GRIA4: variants seen among roughly 807,000 people sequenced by gnomAD.
The protein encoded by GRIA4 is glutamate ionotropic receptor AMPA type subunit 4.
Under a neutral mutation model 104.0 loss-of-function variants are expected in GRIA4, and 34 were observed. The observed-to-expected ratio is 0.33, with a 90% CI of 0.25 to 0.44. The LOEUF is 0.44. Among genes scored for constraint, GRIA4 ranks in the 20% least tolerant of loss-of-function variants. The pLI is 1.00. For synonymous variants in GRIA4, 386 were observed against 381.9 expected (o/e 1.01, Z -0.13); for missense variants, 750 against 1,096.5 (o/e 0.68, Z 4.46).
chr11:105,907,783 C>T (rs952323321), intron 9 of GRIA4, among the ~76,000 whole-genome samples: 2 of 152,124 alleles, frequency 1.3e-5, no homozygotes, highest in African/African-American at 2.4e-5. Context: ...CTCATGACAA[C>T]CTAAAAATAA....
At chr11:105,907,947 C>G (rs1379327389) in intron 9 of GRIA4, among the ~76,000 whole-genome samples, 1 of 152,106 alleles carries the variant, frequency 6.6e-6, no homozygotes, top group Non-Finnish European at 1.5e-5. Flanking sequence ...GAGCATCACT[C>G]AAGATCTTGA....
At chr11:105,813,521 G>C (rs988817367) in intron 4 of GRIA4, among the ~76,000 whole-genome samples, 1 of 152,088 alleles carries the variant, frequency 6.6e-6, no homozygotes, top group African/African-American at 2.4e-5. Flanking sequence ...CATGGTGTTG[G>C]GACACTATTG....
intron 3 of GRIA4, among the ~76,000 whole-genome samples, chr11:105,709,715 A>C (rs1953842732): frequency 6.6e-6 from 1 of 152,096 alleles, no homozygotes; most frequent in African/African-American, 2.4e-5. Flanking sequence ...GGCAGACAGG[A>C]AGAGAGGGAA....
At chr11:105,831,289 G>C (rs762751549) in intron 4 of GRIA4, among the ~76,000 whole-genome samples, 34 of 151,976 alleles carry the variant, frequency 2.2e-4, no homozygotes, top group Non-Finnish European at 4.7e-4. Context: ...AAGAAGGAGT[G>C]TTTCAAAGGA....
chr11:105,949,895 G>A (rs1948418656), intron 14 of GRIA4, among the ~76,000 whole-genome samples: 1 of 152,140 alleles, frequency 6.6e-6, no homozygotes. Context: ...GACAAACCCA[G>A]CTTCCTATTT....
chr11:105,751,826 A>G (rs1940016455), intron 3 of GRIA4, among the ~76,000 whole-genome samples: 1 of 152,340 alleles, frequency 6.6e-6, no homozygotes, highest in South Asian at 2.1e-4. Flanking sequence ...GCACTTTTAC[A>G]TAATTTCATT....
At chr11:105,676,014 T>C (rs578009506) in intron 3 of GRIA4, among the ~76,000 whole-genome samples, 9 of 151,930 alleles carry the variant, frequency 5.9e-5, no homozygotes, top group Middle Eastern at 3.4e-3. Context: ...TTTATAAACA[T>C]ATTAATTTAT....
intron 14 of GRIA4, among the ~76,000 whole-genome samples, chr11:105,969,818 C>A (rs1858591411): frequency 6.6e-6 from 1 of 152,176 alleles, no homozygotes; most frequent in Admixed American, 6.5e-5. Context: ...CTTGCTCTGT[C>A]ATTTTTCAAA....
chr11:105,964,808 TG>T (rs113476571), intron 14 of GRIA4, among the ~76,000 whole-genome samples: 6 of 140,270 alleles, frequency 4.3e-5, no homozygotes, highest in African/African-American at 1.6e-4. Flanking sequence ...TTTTTTTGTT[TG>T]TTTGTTTTTG....
intron 3 of GRIA4, among the ~76,000 whole-genome samples, chr11:105,674,302 C>G (rs562187168): frequency 5.2e-4 from 79 of 151,810 alleles, no homozygotes; most frequent in Middle Eastern, 3.4e-3. Flanking sequence ...GATTAAATAA[C>G]AATTTTGCTA....
intron 4 of GRIA4, among the ~76,000 whole-genome samples, chr11:105,808,750 A>G (rs539165335): frequency 1.7e-4 from 26 of 152,104 alleles, no homozygotes; most frequent in Non-Finnish European, 3.7e-4. Flanking sequence ...TCAATCTATA[A>G]ATCCCCTGAA....
At chr11:105,621,196 C>G (rs1224175666) in intron 3 of GRIA4, among the ~76,000 whole-genome samples, 1 of 151,678 alleles carries the variant, frequency 6.6e-6, no homozygotes, top group Non-Finnish European at 1.5e-5. Flanking sequence ...TATGTTTATT[C>G]CAAAATGAGC....
intron 3 of GRIA4, among the ~76,000 whole-genome samples, chr11:105,711,822 A>G (rs1308860946): frequency 6.6e-6 from 1 of 152,130 alleles, no homozygotes; most frequent in Admixed American, 6.6e-5. Flanking sequence ...TTGAGGCTCA[A>G]TTCCATTCTG....
At chr11:105,848,533 T>C (rs1297809182) in intron 4 of GRIA4, among the ~76,000 whole-genome samples, 1 of 152,116 alleles carries the variant, frequency 6.6e-6, no homozygotes, top group East Asian at 1.9e-4. Flanking sequence ...TACATTAAAG[T>C]GGGAAAATAA....
chr11:105,951,583 T>G (rs978144629), intron 14 of GRIA4, among the ~76,000 whole-genome samples: 9 of 152,140 alleles, frequency 5.9e-5, no homozygotes, highest in African/African-American at 1.7e-4. Flanking sequence ...ATAAAATGTG[T>G]GGTATGAAAT....
intron 3 of GRIA4, among the ~76,000 whole-genome samples, chr11:105,696,266 G>C (rs1299795009): frequency 6.6e-6 from 1 of 152,124 alleles, no homozygotes. Context: ...GCCCAGGTGT[G>C]CCCTTAAAGT....
At position 105,927,010 on chromosome 11, in the gene GRIA4, T is replaced by C. The variant is rs932195935; in HGVS notation, c.2046+71T>C. On this transcript the variant is annotated intron_variant, in intron 13 of 16. Transcript: ENST00000282499. ...ATTCAGGCAATTTTTCCAACAATTA[T>C]ACCATGGGCTTTAGCTATTATAAGG... 6.4e-6 allele frequency: 6 copies of C among 939,828 alleles called. No homozygotes were observed. The African/African-American group carries it at 8.2e-5, about 13-fold the overall frequency. 58.2% of individuals were successfully genotyped at this position (939,828 alleles called of 1,614,324 possible).
At chr11:105,747,298 C>T (rs1358630555) in intron 3 of GRIA4, among the ~76,000 whole-genome samples, 2 of 152,118 alleles carry the variant, frequency 1.3e-5, no homozygotes, top group African/African-American at 4.8e-5. Flanking sequence ...AATTAGTTCA[C>T]AATTCAAAAT....
intron 5 of GRIA4, among the ~76,000 whole-genome samples, chr11:105,872,605 GT>G (rs1233424738): frequency 2.0e-5 from 3 of 152,060 alleles, no homozygotes; most frequent in Non-Finnish European, 4.4e-5. Context: ...ATAACAGTAT[GT>G]GATATTTGAA....
Sources: gnomAD v4.1 joint callset for allele counts (sites outside exome capture counted in the v4.1 genomes callset) on GRCh38, gnomAD v4.1.1 for gene constraint, MANE v1.5 for transcripts, NCBI Gene and HGNC (gene_info 2026-07-23, HGNC 2026-07-21) for gene names.